The following EPHA2 variants were observed in gnomAD, a reference collection of about 807,000 sequenced individuals.
EPHA2 encodes EPH receptor A2.
EPHA2 carries 54 observed loss-of-function variants against 104.9 expected under a neutral mutation model. The ratio of observed to expected loss-of-function variants is 0.51; its 90% CI spans 0.41 to 0.65. EPHA2 has a LOEUF of 0.65. EPHA2 is among the 30% of genes least tolerant of loss of function. The pLI, the probability that EPHA2 is intolerant of heterozygous loss-of-function variation, is 0.00. For missense variants in EPHA2, 1,117 were observed against 1,369.5 expected (o/e 0.82, Z 2.91); for synonymous variants, 560 against 559.1 (o/e 1.00, Z -0.02).
intron 3 of EPHA2, among the ~76,000 whole-genome samples, chr1:16,139,050 G>C (rs573368507): frequency 6.6e-6 from 1 of 152,216 alleles, no homozygotes; most frequent in Non-Finnish European, 1.5e-5. Context: ...CATTTTCTCT[G>C]GCTCTGCTTC....
In EPHA2 at chr1:16,148,726, G is replaced by A. The variant is rs763058213; in HGVS notation, c.475C>T (p.Arg159Cys). Reference protein sequence around the residue: ...EITVSSDFEARHVKLNVEERS... With the variant: ...EITVSSDFEACHVKLNVEERS... ...TCCTCCACGTTCAGCTTCACGTGGC[G>A]TGCCTCGAAGTCGCTGCTGACGGTG... is the stretch of plus-strand genomic sequence containing the variant. Residue 159 changes from arginine to cysteine, a missense_variant, in exon 3 of 17, where the codon CGC becomes TGC. Transcript: ENST00000358432. This position sits in a 1 kb window ranked among gnomAD's most constrained non-coding sequence, Gnocchi z 4.9. 9 of 1,613,580 alleles carry A rather than the reference G, an allele frequency of 5.6e-6. No homozygotes were observed. The highest frequency in any genetic ancestry group is 3.3e-5 in the Admixed American group (2 of 60,006).
chr1:16,143,128 G>A (rs1397464821), intron 3 of EPHA2, among the ~76,000 whole-genome samples: 1 of 150,138 alleles, frequency 6.7e-6, no homozygotes, highest in Non-Finnish European at 1.5e-5. Context: ...TGGTTTGGTG[G>A]GTTGGCGGGT....
chr1:16,135,213 G>C lies in EPHA2; in HGVS notation c.1429-24C>G, dbSNP rs371957225. 1.2e-5 allele frequency: 20 copies of C among 1,612,790 alleles called. No individual in the cohort carries two copies. In the African/African-American group the frequency reaches 2.7e-4, roughly 22 times the overall value. The stretch of plus-strand genomic sequence containing the variant: ...CCCTGTGGGTGGGTGGCCGGCGGAG[G>C]AGCAGGCAGTGAGGGCAGGGCAGGG... On this transcript the variant is annotated intron_variant, in intron 6 of 16. Transcript: ENST00000358432. The surrounding 1 kb of genome is among the most constrained non-coding windows in gnomAD (Gnocchi z 4.3).
rs745697535 is a variant in EPHA2 at position 16,150,903 on chromosome 1, C to T, written c.146G>A (p.Gly49Asp). ...CCCCGAAGGCTTACATACCCCTTTGCCATACGGGTGTGTGAGCCAGCCGAG... is the reference window on the plus strand; with the variant it reads ...CCCCGAAGGCTTACATACCCCTTTGTCATACGGGTGTGTGAGCCAGCCGAG... ...GELGWLTHPY[G>D]KGWDLMQNIM... Residue 49 changes from glycine to aspartate, a missense_variant, in exon 2 of 17, where the codon GGC (glycine) becomes GAC (aspartate). Around this residue, in one of 3 missense-constraint regions of EPHA2, gnomAD observed 664 missense variants for 784.8 expected, o/e 0.85. Coordinates refer to ENST00000358432, the MANE Select transcript of EPHA2 (RefSeq NM_004431.5). This position sits in a 1 kb window ranked among gnomAD's most constrained non-coding sequence, Gnocchi z 4.8. The T allele has an allele frequency of 1.9e-6, 3 of 1,614,130 alleles. No individual in the cohort carries two copies. The South Asian group carries it at 3.3e-5, about 18-fold the overall frequency.
rs1350788648 is a variant in EPHA2, at chr1:16,138,485, C to G, written c.824-55G>C. The G allele has an allele frequency of 2.5e-6, 4 of 1,610,704 alleles. No individual in the cohort carries two copies. The African/African-American group carries it at 4.0e-5, about 16-fold the overall frequency. On this transcript the variant is annotated intron_variant, in intron 3 of 16. Transcript: ENST00000358432. ...GGACATCAGTTCAATCTGCTTCCAC[C>G]CCACGTGACTGTCTCATTCCCTCAC...
chr1:16,134,124 G>T lies in EPHA2; in HGVS notation c.1683-209C>A, dbSNP rs2024634497. 6.6e-6 allele frequency among the ~76,000 whole-genome samples: 1 copy of T among 152,108 alleles called. No homozygotes were observed. The highest frequency in any genetic ancestry group is 1.5e-5 in the Non-Finnish European group (1 of 68,002). ...AACAGGGAGGAAGTGAGCGAGCCAGGACTCCCTCTCCAGGATCTAGGCCCC... is the reference window on the plus strand; with the variant it reads ...AACAGGGAGGAAGTGAGCGAGCCAGTACTCCCTCTCCAGGATCTAGGCCCC... On this transcript the variant is annotated intron_variant, in intron 8 of 16. Coordinates refer to ENST00000358432, the MANE Select transcript of EPHA2 (RefSeq NM_004431.5). The surrounding 1 kb of genome is among the most constrained non-coding windows in gnomAD (Gnocchi z 4.5).
intron 1 of EPHA2, among the ~76,000 whole-genome samples, chr1:16,153,799 A>G (rs891874953): frequency 1.3e-5 from 2 of 152,012 alleles, no homozygotes; most frequent in African/African-American, 2.4e-5. Flanking sequence ...TGAAAAAGGC[A>G]CCTGTGTCCT....
chr1:16,152,438 G>C (rs575640569), intron 1 of EPHA2, among the ~76,000 whole-genome samples: 56 of 147,692 alleles, frequency 3.8e-4, no homozygotes, highest in African/African-American at 1.3e-3. Flanking sequence ...GCCCAGACAG[G>C]CAAGAGGAAA....
intron 2 of EPHA2, 84 bp from the exon 3 acceptor site, chr1:16,149,131 G>A (rs2024991299): frequency 6.9e-7 from 1 of 1,453,486 alleles, no homozygotes; most frequent in East Asian, 2.3e-5. Context: ...CTAGGAAGAT[G>A]CTTTCCAGTT....
chr1:16,126,814 T>C (rs911950450), intron 16 of EPHA2, among the ~76,000 whole-genome samples: 1 of 152,074 alleles, frequency 6.6e-6, no homozygotes, highest in Non-Finnish European at 1.5e-5. Flanking sequence ...AACCAGTGGG[T>C]TGTAAGCTCC....
rs1210947758 is a variant in EPHA2, at chr1:16,134,615, C to T, written c.1583-48G>A. The T allele has an allele frequency of 1.3e-6, 2 of 1,588,718 alleles. No individual in the cohort carries two copies. Among genetic ancestry groups the T allele is most frequent in the East Asian group, 2.3e-5 (1 of 44,062 alleles). On this transcript the variant is annotated intron_variant, in intron 7 of 16. Coordinates refer to ENST00000358432, the MANE Select transcript of EPHA2 (RefSeq NM_004431.5). The surrounding 1 kb of genome is among the most constrained non-coding windows in gnomAD (Gnocchi z 4.5). ...GACAAGGGAGTTCCCCCACAAATTACAGCAACACCCGCGCTGCACCCAAGA... is the reference window on the plus strand; with the variant it reads ...GACAAGGGAGTTCCCCCACAAATTATAGCAACACCCGCGCTGCACCCAAGA...
chr1:16,145,202 G>C lies in EPHA2; in HGVS notation c.823+3176C>G, dbSNP rs78522527. ...AGCTGCTGAGGCCAGCACAGGAAGC[G>C]GAGACATGGAGACAAAGCAGCCCCC... On this transcript the variant is annotated intron_variant, in intron 3 of 16. Transcript: ENST00000358432. Among the ~76,000 whole-genome samples the C allele has an allele frequency of 3.7e-3, 570 of 152,342 alleles. 14 individuals are homozygous for C. In the East Asian group the frequency reaches 0.057, roughly 15 times the overall value.
intron 1 of EPHA2, among the ~76,000 whole-genome samples, chr1:16,154,979 C>T (rs1383457038): frequency 1.3e-5 from 2 of 152,060 alleles, no homozygotes; most frequent in African/African-American, 4.8e-5. Flanking sequence ...GGAGGGACAA[C>T]ACCCCCACCA....
chr1:16,155,746 G>A, intron 1 of EPHA2, 102 bp downstream of exon 1: 1 of 962,008 alleles, frequency 1.0e-6, no homozygotes, highest in Non-Finnish European at 1.4e-6. Context: ...CCGGGACTGG[G>A]CGACACCAGG....
At chr1:16,149,562 C>T (rs944229012) in intron 2 of EPHA2, among the ~76,000 whole-genome samples, 2 of 152,210 alleles carry the variant, frequency 1.3e-5, no homozygotes, top group Non-Finnish European at 2.9e-5. Flanking sequence ...ACGGATGATG[C>T]TCTCCGTCAT....
chr1:16,129,778 C>G (rs1233957321), intron 15 of EPHA2, among the ~76,000 whole-genome samples, 189 bp from the exon 16 acceptor site: 3 of 152,186 alleles, frequency 2.0e-5, no homozygotes, highest in Admixed American at 2.0e-4. Context: ...CGCTCAGCAT[C>G]TGTAACTACT....
chr1:16,149,567 C>T (rs753201086), intron 2 of EPHA2, among the ~76,000 whole-genome samples: 1 of 152,226 alleles, frequency 6.6e-6, no homozygotes, highest in South Asian at 2.1e-4. Flanking sequence ...TGATGCTCTC[C>T]GTCATTTAGA....
At chr1:16,136,766 A>AGAAGAAGAAGAG (rs1557507341) in intron 5 of EPHA2, among the ~76,000 whole-genome samples, 4 of 149,886 alleles carry the variant, frequency 2.7e-5, no homozygotes, top group Admixed American at 6.6e-5. Context: ...AAGAAGAAGA[A>AGAAGAAGAAGAG]GAAGAAGAAC....
chr1:16,132,264 C>T lies in EPHA2; in HGVS notation c.2125G>A (p.Gly709Ser). ...ALDKFLREKD[G>S]EFSVLQLVGM... ...ACCAGCTGCAGCACGCTGAACTCGC[C>T]ATCCTTCTCCTGCCGGAGCACAGGC... Residue 709 changes from glycine (G) to serine (S), a missense_variant, in exon 13 of 17, where the codon GGC (glycine) becomes AGC (serine). Physicochemically the swap from Gly to Ser is moderately conservative, Grantham distance 56 (BLOSUM62 0). Transcript: ENST00000358432. 1 of 1,614,120 alleles carries T rather than the reference C, an allele frequency of 6.2e-7. No individual in the cohort carries two copies. The highest frequency in any genetic ancestry group is 1.1e-5 in the South Asian group (1 of 91,090).
Sources: gnomAD v4.1 joint callset for allele counts (sites outside exome capture counted in the v4.1 genomes callset) on GRCh38, gnomAD v4.1.1 for gene constraint, gnomAD v4.1.1 regional missense constraint, Gnocchi (gnomAD v3.1) non-coding constraint, MANE v1.5 for transcripts, NCBI Gene and HGNC (gene_info 2026-07-23, HGNC 2026-07-21) for gene names.